CSMD2: variants seen among roughly 807,000 people sequenced by gnomAD.
CSMD2 encodes the protein CUB and Sushi multiple domains 2.
Under a neutral mutation model 398.5 loss-of-function variants are expected in CSMD2, and 130 were observed. That is an observed-to-expected ratio of 0.33 (90% confidence interval 0.28 to 0.38). The LOEUF (loss-of-function observed/expected upper bound fraction) is 0.38. Among genes scored for constraint, CSMD2 ranks in the 10% least tolerant of loss-of-function variants. The pLI is 1.00. For synonymous variants in CSMD2, 1,828 were observed against 1,908.5 expected (o/e 0.96, Z 1.10); for missense variants, 3,829 against 4,764.9 (o/e 0.80, Z 5.78).
chr1:33,821,056 A>G (rs1478258429), intron 7 of CSMD2, among the ~76,000 whole-genome samples: 1 of 152,214 alleles, frequency 6.6e-6, no homozygotes, highest in Non-Finnish European at 1.5e-5. Flanking sequence ...TCAAAGTTCA[A>G]AGCTGGGACT....
At chr1:33,792,381 C>T in intron 11 of CSMD2, 42 bp downstream of exon 11, 1 of 1,466,966 alleles carries the variant, frequency 6.8e-7, no homozygotes, top group Non-Finnish European at 9.6e-7. Context: ...CCAACCCCAG[C>T]CACCGTCCCA....
chr1:33,594,149 A>G (rs1639684433), intron 44 of CSMD2, among the ~76,000 whole-genome samples: 1 of 152,194 alleles, frequency 6.6e-6, no homozygotes, highest in African/African-American at 2.4e-5. Context: ...AACTAGTATC[A>G]ACACTCCATT....
In CSMD2 at chr1:33,724,574, C is replaced by T; in HGVS notation, c.2826G>A (p.Gly942=). The T allele has an allele frequency of 6.2e-7, 1 of 1,614,230 alleles. No homozygotes were observed. The highest frequency in any genetic ancestry group is 2.2e-5 in the East Asian group (1 of 44,880). The change falls in exon 18 of 71, where the codon GGG becomes GGA. Residue 942 remains glycine (G), a synonymous_variant. Transcript: ENST00000373381. The part of the protein sequence containing the change: ...SCDSGYTLSD[G]EPLECEPNFQ... The stretch of plus-strand genomic sequence containing the variant: ...AGTTGGGCTCACACTCCAGAGGCTC[C>T]CCGTCACTTAATGTGTAGCCCGAGT...
At chr1:33,586,408 C>A in intron 46 of CSMD2, 96 bp downstream of exon 46, 1 of 760,166 alleles carries the variant, frequency 1.3e-6, no homozygotes, top group Middle Eastern at 3.4e-4. Context: ...GGGGCAGTGA[C>A]TGAGCTGAGA....
At chr1:33,703,148 A>T (rs908752119) in intron 22 of CSMD2, among the ~76,000 whole-genome samples, 1 of 152,182 alleles carries the variant, frequency 6.6e-6, no homozygotes, top group African/African-American at 2.4e-5. Flanking sequence ...TCTTCTTTTA[A>T]CTTAAACAAA....
At chr1:34,152,475 C>G (rs1375638558) in intron 1 of CSMD2, among the ~76,000 whole-genome samples, 1 of 152,168 alleles carries the variant, frequency 6.6e-6, no homozygotes, top group Non-Finnish European at 1.5e-5. Flanking sequence ...TCCAAATCCT[C>G]CAGCCTCCTC....
intron 64 of CSMD2, among the ~76,000 whole-genome samples, chr1:33,528,493 T>C (rs1251771019): frequency 6.6e-6 from 1 of 152,206 alleles, no homozygotes; most frequent in Non-Finnish European, 1.5e-5. Flanking sequence ...GTGGAGAAAG[T>C]TTCTGCAGTG....
chr1:33,736,306 C>G (rs1230035003), intron 15 of CSMD2, among the ~76,000 whole-genome samples: 3 of 152,022 alleles, frequency 2.0e-5, no homozygotes, highest in African/African-American at 4.8e-5. Flanking sequence ...ACGGTGAAAC[C>G]CTGTCTCTAC....
intron 5 of CSMD2, chr1:33,864,276 G>A: frequency 1.2e-6 from 2 of 1,613,106 alleles, no homozygotes; most frequent in Non-Finnish European, 8.5e-7. Flanking sequence ...CAAATTCAAG[G>A]AGCAGCAGCC....
At position 33,624,619 on chromosome 1, in the gene CSMD2, T is replaced by C; in HGVS notation, c.5525A>G (p.Glu1842Gly). Residue 1842 changes from glutamate (E) to glycine (G), a missense_variant, in exon 35 of 71, where the codon GAG becomes GGG. Around this residue, in one of 5 missense-constraint regions of CSMD2, gnomAD observed 2,001 missense variants for 2,567.1 expected, o/e 0.78. Transcript: ENST00000373381. The surrounding 1 kb of genome is among the most constrained non-coding windows in gnomAD (Gnocchi z 4.7). Reference protein sequence around the residue: ...CVVPCGGNLTERRGTILSPGF... With the variant: ...CVVPCGGNLTGRRGTILSPGF... ...AGGGGACAGGATGGTGCCCCTGCGCTCTGTGAGGTTGCCTCCACACGGCAC... is the reference window on the plus strand; with the variant it reads ...AGGGGACAGGATGGTGCCCCTGCGCCCTGTGAGGTTGCCTCCACACGGCAC... 6.2e-7 allele frequency: 1 copy of C among 1,613,634 alleles called. No individual in the cohort carries two copies.
intron 1 of CSMD2, among the ~76,000 whole-genome samples, chr1:34,148,629 A>C (rs1281462976): frequency 6.6e-6 from 1 of 152,178 alleles, no homozygotes; most frequent in African/African-American, 2.4e-5. Flanking sequence ...CATCAGGACA[A>C]AGGGGCAGGA....
intron 55 of CSMD2, among the ~76,000 whole-genome samples, chr1:33,553,862 C>A (rs941821968): frequency 6.6e-6 from 1 of 152,076 alleles, no homozygotes; most frequent in Non-Finnish European, 1.5e-5. Flanking sequence ...ATCCACCTAC[C>A]ATGGAAGGTA....
intron 3 of CSMD2, among the ~76,000 whole-genome samples, chr1:34,027,206 GA>G (rs1360119414): frequency 6.6e-6 from 1 of 152,176 alleles, no homozygotes; most frequent in Non-Finnish European, 1.5e-5. Flanking sequence ...CACCCCCATG[GA>G]AGAGTAGGCA....
chr1:34,109,276 A>C lies in CSMD2; in HGVS notation c.188-20083T>G, dbSNP rs191742934. On this transcript the variant is annotated intron_variant, in intron 1 of 70. Transcript: ENST00000373381. ...AGGGTTTTGTGTTTTGATGCCCCCA[A>C]CTACACGTTTGAATTGTATGAGCAC... Among the ~76,000 whole-genome samples the C allele has an allele frequency of 5.3e-5, 8 of 152,296 alleles. No individual in the cohort carries two copies. The East Asian group carries it at 1.5e-3, about 29-fold the overall frequency.
At chr1:34,143,557 T>G (rs551759247) in intron 1 of CSMD2, among the ~76,000 whole-genome samples, 1 of 152,300 alleles carries the variant, frequency 6.6e-6, no homozygotes, top group East Asian at 1.9e-4. Context: ...TTAGAAAGAC[T>G]GAAAGCTTAG....
intron 1 of CSMD2, among the ~76,000 whole-genome samples, chr1:34,105,592 C>G (rs1440986208): frequency 6.6e-6 from 1 of 152,156 alleles, no homozygotes; most frequent in Non-Finnish European, 1.5e-5. Flanking sequence ...CTCCTTGGAG[C>G]CTCGTGACAC....
chr1:33,848,623 C>T (rs1010623117), intron 5 of CSMD2, among the ~76,000 whole-genome samples: 1 of 152,180 alleles, frequency 6.6e-6, no homozygotes, highest in African/African-American at 2.4e-5. Flanking sequence ...GAGCTTCACG[C>T]ACTGCAAAAC....
At chr1:33,970,658 C>T (rs12079302) in intron 3 of CSMD2, among the ~76,000 whole-genome samples, 36,676 of 152,214 alleles carry the variant, frequency 0.24, 5,539 homozygotes, top group Non-Finnish European at 0.34. Flanking sequence ...CATCCCCAGC[C>T]TTCAGGGCCT....
At chr1:33,622,333 C>A in intron 36 of CSMD2, 62 bp from the exon 37 acceptor site, 1 of 1,212,870 alleles carries the variant, frequency 8.2e-7, no homozygotes, top group East Asian at 2.3e-5. Context: ...TTGCATTCCT[C>A]CCCATTCCTC....
Sources: allele counts gnomAD v4.1 joint callset (sites outside exome capture counted in the v4.1 genomes callset), GRCh38; gene constraint gnomAD v4.1.1; regional missense constraint gnomAD v4.1.1; non-coding constraint Gnocchi (gnomAD v3.1); transcripts MANE v1.5; gene names NCBI Gene and HGNC (gene_info 2026-07-23, HGNC 2026-07-21).